The following ASB2 variants were observed in gnomAD, a reference collection of about 807,000 sequenced individuals.
The protein encoded by ASB2 is ankyrin repeat and SOCS box protein 2.
In ASB2, 58 loss-of-function variants were observed where a neutral mutation model predicts 62.4. The observed-to-expected ratio is 0.93, with a 90% CI of 0.75 to 1.16. The LOEUF is 1.16. Among genes scored for constraint, ASB2 ranks in the 50% most tolerant of loss-of-function variants. The pLI is 0.00. For missense variants in ASB2, 928 were observed against 887.9 expected (o/e 1.05, Z -0.57); for synonymous variants, 386 against 385.3 (o/e 1.00, Z -0.02).
chr14:93,967,434 T>G (rs1218240282), intron 1 of ASB2, among the ~76,000 whole-genome samples: 1 of 152,240 alleles, frequency 6.6e-6, no homozygotes, highest in Non-Finnish European at 1.5e-5. Flanking sequence ...CAGGAAGTGC[T>G]GGTGCCCAGG....
At chr14:93,937,633 G>A in intron 9 of ASB2, 65 bp downstream of exon 9, 1 of 1,530,528 alleles carries the variant, frequency 6.5e-7, no homozygotes, top group Non-Finnish European at 8.9e-7. Flanking sequence ...CGCACTCCCT[G>A]AGGCCTGGGA....
In ASB2 at chr14:93,950,917, G is replaced by T. The variant is rs546550822; in HGVS notation, c.880+82C>A. 51 of 1,480,230 alleles carry T rather than the reference G, an allele frequency of 3.4e-5. No homozygotes were observed. In the Admixed American group the frequency reaches 4.0e-4, roughly 12 times the overall value. The allele number at this position is 1,480,230 out of a possible 1,614,324, so 91.7% of individuals were successfully genotyped here. On this transcript the variant is annotated intron_variant, in intron 6 of 9. Transcript: ENST00000555019. ...GTGCGCACAAGATGACCCCTAACTCGCCTTCCCTTAGAGCTGACCTCTGAC... is the reference window on the plus strand; with the variant it reads ...GTGCGCACAAGATGACCCCTAACTCTCCTTCCCTTAGAGCTGACCTCTGAC...
chr14:93,934,860 A>C, intron 9 of ASB2, 68 bp from the exon 10 acceptor site: 1 of 1,383,138 alleles, frequency 7.2e-7, no homozygotes. Context: ...TGCATCTGTG[A>C]CCCCAGCCTA....
intron 1 of ASB2, among the ~76,000 whole-genome samples, chr14:93,966,805 C>T (rs1031323367): frequency 2.0e-5 from 3 of 152,128 alleles, no homozygotes; most frequent in African/African-American, 7.2e-5. Context: ...AACTCAAAGC[C>T]TCAGGGCTGG....
At chr14:93,963,214 T>C (rs1425983304) in intron 2 of ASB2, among the ~76,000 whole-genome samples, 1 of 152,188 alleles carries the variant, frequency 6.6e-6, no homozygotes, top group Non-Finnish European at 1.5e-5. Context: ...GTTGTTGTTA[T>C]TTGAGAAGGA....
intron 7 of ASB2, among the ~76,000 whole-genome samples, chr14:93,943,667 T>C (rs1031414604): frequency 6.6e-6 from 1 of 151,982 alleles, no homozygotes; most frequent in African/African-American, 2.4e-5. Flanking sequence ...AACAAAAACA[T>C]TGGCTGGAGG....
chr14:93,971,520 A>G (rs936087465), intron 1 of ASB2, among the ~76,000 whole-genome samples: 4 of 152,236 alleles, frequency 2.6e-5, no homozygotes, highest in African/African-American at 7.2e-5. Context: ...CAAGTGCTGC[A>G]TGAGTATTTT....
rs1013717271 is a variant in ASB2, at chr14:93,957,022, C to G, written c.207-152G>C. 6.5e-6 allele frequency: 10 copies of G among 1,528,218 alleles called. No homozygotes were observed. In the African/African-American group the frequency reaches 9.6e-5, roughly 15 times the overall value. The allele number at this position is 1,528,218 out of a possible 1,614,324, so 94.7% of individuals were successfully genotyped here. ...CTGAACCAAAGCAGATGGCCGGGTC[C>G]TCTGTGTGCTGGACACAGCTGCTGT... On this transcript the variant is annotated intron_variant, in intron 2 of 9. Coordinates refer to ENST00000555019, the MANE Select transcript of ASB2 (RefSeq NM_001202429.2).
At chr14:93,963,183 A>G (rs533172810) in intron 2 of ASB2, among the ~76,000 whole-genome samples, 1 of 152,368 alleles carries the variant, frequency 6.6e-6, no homozygotes, top group East Asian at 1.9e-4. Context: ...GTGACTGCAC[A>G]TCGGAAAAAG....
intron 2 of ASB2, chr14:93,957,218 T>C: frequency 8.0e-7 from 1 of 1,257,768 alleles, no homozygotes; most frequent in East Asian, 3.8e-5. Flanking sequence ...ATGTGAGCCG[T>C]GGTCGGCAGG....
intron 7 of ASB2, 137 bp downstream of exon 7, chr14:93,947,212 T>C: frequency 1.2e-6 from 1 of 857,068 alleles, no homozygotes. Flanking sequence ...ATGGGAAAGG[T>C]GATGTCCATT....
Position 93,939,800 on chromosome 14 carries a change from G to A in ASB2, c.1053-128C>T, listed in dbSNP as rs1379570117. 8.3e-6 allele frequency: 6 copies of A among 721,704 alleles called. No individual in the cohort carries two copies. The African/African-American group carries it at 1.1e-4, about 14-fold the overall frequency. The allele number at this position is 721,704 out of a possible 1,614,324, so 44.7% of individuals were successfully genotyped here. A position where few individuals can be genotyped will look rare whatever the true frequency, so the allele number is the denominator to read the frequency against. On this transcript the variant is annotated intron_variant, in intron 7 of 9. Coordinates refer to ENST00000555019, the MANE Select transcript of ASB2 (RefSeq NM_001202429.2). ...CGCCCTGACCGCGGGCTGCGACGCG[G>A]ATCCCACCGGCAGGGGGCGCCGCGG...
chr14:93,973,103 A>G (rs2141324722), intron 1 of ASB2, among the ~76,000 whole-genome samples: 1 of 152,300 alleles, frequency 6.6e-6, no homozygotes, highest in South Asian at 2.1e-4. Flanking sequence ...TGACTCCACA[A>G]GACAGGGCTC....
intron 2 of ASB2, among the ~76,000 whole-genome samples, chr14:93,963,398 G>A (rs1889475302): frequency 6.6e-6 from 1 of 151,792 alleles, no homozygotes; most frequent in African/African-American, 2.4e-5. Context: ...GGCTGGGGAC[G>A]GGGGTGAGGA....
intron 2 of ASB2, among the ~76,000 whole-genome samples, chr14:93,960,543 T>A (rs1034477180): frequency 6.6e-6 from 1 of 152,236 alleles, no homozygotes; most frequent in Non-Finnish European, 1.5e-5. Context: ...CCCAGCCTCC[T>A]GGACTCACTC....
At chr14:93,940,061 G>C (rs1178957668) in intron 7 of ASB2, 1 of 202,252 alleles carries the variant, frequency 4.9e-6, no homozygotes, top group Non-Finnish European at 9.8e-6. Flanking sequence ...CAGGCTAAGC[G>C]CTGTTGCCCA....
chr14:93,970,965 A>G lies in ASB2; in HGVS notation c.-74+5469T>C, dbSNP rs549135988. On this transcript the variant is annotated intron_variant, in intron 1 of 9. Transcript: ENST00000555019. ...CTCGTGTTATTCCACAGGTCCCAAG[A>G]TGCTGCGATTCTCTGCCGTGATCCC... is the stretch of plus-strand genomic sequence containing the variant. 2.0e-5 allele frequency among the ~76,000 whole-genome samples: 3 copies of G among 152,316 alleles called. No individual in the cohort carries two copies. In the South Asian group the frequency reaches 6.2e-4, roughly 32 times the overall value.
chr14:93,963,895 G>A (rs148708359), intron 2 of ASB2, among the ~76,000 whole-genome samples: 60 of 152,322 alleles, frequency 3.9e-4, no homozygotes, highest in African/African-American at 1.3e-3. Flanking sequence ...GGCTGAGAGT[G>A]GGGAGCCAGA....
chr14:93,944,336 T>G (rs1484831802), intron 7 of ASB2, among the ~76,000 whole-genome samples: 1 of 152,250 alleles, frequency 6.6e-6, no homozygotes, highest in East Asian at 1.9e-4. Flanking sequence ...AATGCGTGTC[T>G]TGGAGGTGAC....
Sources: gnomAD v4.1 joint callset for allele counts (sites outside exome capture counted in the v4.1 genomes callset) on GRCh38, gnomAD v4.1.1 for gene constraint, MANE v1.5 for transcripts, NCBI Gene and HGNC (gene_info 2026-07-23, HGNC 2026-07-21) for gene names.